The following TMEM143 variants were observed in gnomAD, a reference collection of about 807,000 sequenced individuals.
TMEM143 encodes transmembrane protein 143.
In TMEM143, 45 loss-of-function variants were observed where a neutral mutation model predicts 40.3. That is an observed-to-expected ratio of 1.12 (90% confidence interval 0.88 to 1.43). TMEM143 has a LOEUF of 1.43. Ranked by LOEUF, TMEM143 falls within the 40% of genes most tolerant of loss-of-function variation. The pLI is 0.00. For missense variants in TMEM143, 620 were observed against 613.4 expected (o/e 1.01, Z -0.11); for synonymous variants, 299 against 282.7 (o/e 1.06, Z -0.58).
chr19:48,352,261 A>AAAAAAAAAAAAAAC (rs930196732), intron 3 of TMEM143, among the ~76,000 whole-genome samples: 21 of 143,832 alleles, frequency 1.5e-4, no homozygotes, highest in African/African-American at 5.5e-4. Context: ...AAAAAAAAAA[A>AAAAAAAAAAAAAAC]ACACCATATC....
At chr19:48,352,208 C>A (rs1248940727) in intron 3 of TMEM143, among the ~76,000 whole-genome samples, 3 of 121,436 alleles carry the variant, frequency 2.5e-5, no homozygotes, top group Non-Finnish European at 3.2e-5. Flanking sequence ...GATCAAGCCA[C>A]TGCCCTCCAG....
chr19:48,344,262 G>T (rs275578), intron 4 of TMEM143, among the ~76,000 whole-genome samples: 81,012 of 150,796 alleles, frequency 0.54, 22,853 homozygotes, highest in East Asian at 0.65. Context: ...CTTTTTTAAT[G>T]TGTCTCTCTG....
rs1330045734 is a variant in TMEM143, at chr19:48,363,274, C to T, written c.264+17G>A. The T allele has an allele frequency of 1.2e-6, 2 of 1,606,328 alleles. No homozygotes were observed. Among genetic ancestry groups the T allele is most frequent in the African/African-American group, 2.7e-5 (2 of 74,516 alleles). ...GAGCCGTAGTCCCCAGGCTCTTGGG[C>T]CTGGGACAGGCGGTACCTGTATTAG... is the stretch of plus-strand genomic sequence containing the variant. On this transcript the variant is annotated intron_variant, in intron 2 of 7. Coordinates refer to ENST00000293261, the MANE Select transcript of TMEM143 (RefSeq NM_018273.4).
intron 3 of TMEM143, 158 bp downstream of exon 3, chr19:48,359,914 T>C (rs1969999825): frequency 1.6e-6 from 1 of 642,450 alleles, no homozygotes; most frequent in African/African-American, 1.8e-5. Flanking sequence ...CCACTTGGAA[T>C]GTTGGCTCCA....
At chr19:48,338,300 C>T (rs1029778465) in intron 6 of TMEM143, among the ~76,000 whole-genome samples, 4 of 152,182 alleles carry the variant, frequency 2.6e-5, no homozygotes, top group African/African-American at 7.2e-5. Flanking sequence ...TCAGTCTCCC[C>T]GTCCAGTTTG....
At chr19:48,353,579 CAT>C (rs1362493298) in intron 3 of TMEM143, among the ~76,000 whole-genome samples, 8 of 151,860 alleles carry the variant, frequency 5.3e-5, no homozygotes, top group African/African-American at 9.7e-5. Flanking sequence ...AAAAATTACA[CAT>C]AGTTTATCTG....
At chr19:48,357,548 G>T (rs1600924961) in intron 3 of TMEM143, among the ~76,000 whole-genome samples, 1 of 150,866 alleles carries the variant, frequency 6.6e-6, no homozygotes, top group South Asian at 2.1e-4. Flanking sequence ...AGTAGAGACA[G>T]GGTTTCACCG....
chr19:48,354,809 AG>A (rs1209669109), intron 3 of TMEM143, among the ~76,000 whole-genome samples: 1 of 152,086 alleles, frequency 6.6e-6, no homozygotes, highest in African/African-American at 2.4e-5. Flanking sequence ...GTTTGAACCG[AG>A]GCTATGCTGC....
At chr19:48,353,428 C>T (rs1338142673) in intron 3 of TMEM143, among the ~76,000 whole-genome samples, 1 of 151,756 alleles carries the variant, frequency 6.6e-6, no homozygotes, top group African/African-American at 2.4e-5. Context: ...AAGCAATCCA[C>T]CCGCCTTGGC....
chr19:48,343,765 C>T (rs1178451491), intron 4 of TMEM143, among the ~76,000 whole-genome samples: 1 of 152,144 alleles, frequency 6.6e-6, no homozygotes, highest in African/African-American at 2.4e-5. Context: ...TGATGTCACA[C>T]CACCACCTGT....
At chr19:48,345,784 GTTTTGT>G (rs1195162968) in intron 3 of TMEM143, among the ~76,000 whole-genome samples, 1 of 146,312 alleles carries the variant, frequency 6.8e-6, no homozygotes, top group African/African-American at 2.5e-5. Context: ...GTTTTTTTGT[GTTTTGT>G]TTTTGTTTTT....
At chr19:48,348,370 A>ACCCAGCTCTCTCCTCCC (rs1312826937) in intron 3 of TMEM143, among the ~76,000 whole-genome samples, 2 of 151,846 alleles carry the variant, frequency 1.3e-5, no homozygotes, top group Admixed American at 6.6e-5. Context: ...ACCGCACTTC[A>ACCCAGCTCTCTCCTCCC]CCCAGCTCTC....
chr19:48,355,384 T>C (rs867135662), intron 3 of TMEM143, among the ~76,000 whole-genome samples: 2 of 152,114 alleles, frequency 1.3e-5, no homozygotes, highest in South Asian at 4.2e-4. Context: ...CCAGAGGCCA[T>C]AGGTGCCCTG....
rs2147388782 is a variant in TMEM143, at chr19:48,360,060, C to T, written c.369+12G>A. Reference sequence around the variant, plus strand: ...AACAAGCACCACAGGGCTGGAAGGGCCCCGTCCTCACCTGCAGCCGGGCCA... The same window carrying T: ...AACAAGCACCACAGGGCTGGAAGGGTCCCGTCCTCACCTGCAGCCGGGCCA... On this transcript the variant is annotated intron_variant, in intron 3 of 7. Coordinates refer to ENST00000293261, the MANE Select transcript of TMEM143 (RefSeq NM_018273.4). 1 of 1,612,856 alleles carries T rather than the reference C, an allele frequency of 6.2e-7. No homozygotes were observed. The highest frequency in any genetic ancestry group is 2.2e-5 in the East Asian group (1 of 44,852).
At chr19:48,359,658 C>T (rs751881747) in intron 3 of TMEM143, among the ~76,000 whole-genome samples, 10 of 152,032 alleles carry the variant, frequency 6.6e-5, no homozygotes, top group Non-Finnish European at 2.9e-5. Context: ...AGTCGCCCCC[C>T]ACCACGCCCA....
chr19:48,344,752 G>A (rs1395068664), intron 4 of TMEM143, among the ~76,000 whole-genome samples: 2 of 151,928 alleles, frequency 1.3e-5, no homozygotes, highest in African/African-American at 4.8e-5. Flanking sequence ...TGTTGCCCAG[G>A]CTGGAGTGCA....
chr19:48,341,352 C>T (rs1044013416), intron 6 of TMEM143, among the ~76,000 whole-genome samples: 1 of 152,182 alleles, frequency 6.6e-6, no homozygotes, highest in Non-Finnish European at 1.5e-5. Flanking sequence ...CAGCCCGGCA[C>T]TCACATGTAG....
chr19:48,355,514 G>A (rs1407289136), intron 3 of TMEM143, among the ~76,000 whole-genome samples: 1 of 152,158 alleles, frequency 6.6e-6, no homozygotes, highest in African/African-American at 2.4e-5. Flanking sequence ...GTATGAATGG[G>A]CTGATGGCGG....
At chr19:48,350,823 G>A (rs1969751751) in intron 3 of TMEM143, among the ~76,000 whole-genome samples, 1 of 148,396 alleles carries the variant, frequency 6.7e-6, no homozygotes, top group African/African-American at 2.5e-5. Flanking sequence ...TTGGGAGACT[G>A]AGGCAGGAGA....
Sources: allele counts gnomAD v4.1 joint callset (sites outside exome capture counted in the v4.1 genomes callset), GRCh38; gene constraint gnomAD v4.1.1; transcripts MANE v1.5; gene names NCBI Gene and HGNC (gene_info 2026-07-23, HGNC 2026-07-21).